The following IQUB variants were observed in gnomAD, a reference collection of about 807,000 sequenced individuals.
IQUB encodes IQ motif and ubiquitin domain containing.
Under a neutral mutation model 86.4 loss-of-function variants are expected in IQUB, and 86 were observed. The observed-to-expected ratio is 1.00, with a 90% CI of 0.84 to 1.19. IQUB has a LOEUF of 1.19. IQUB is among the 50% of genes most tolerant of loss of function. The probability of loss-of-function intolerance (pLI) is 0.00; values close to 1 mark genes in which losing one functional copy is unlikely to be tolerated. For synonymous variants in IQUB, 289 were observed against 304.5 expected, an observed-to-expected ratio of 0.95 and a Z score of 0.53; for missense variants, 946 against 916.9, an observed-to-expected ratio of 1.03 and a Z score of -0.41.
intron 6 of IQUB, among the ~76,000 whole-genome samples, chr7:123,498,435 T>C (rs1477149648): frequency 3.9e-5 from 6 of 152,144 alleles, no homozygotes; most frequent in African/African-American, 1.4e-4. Flanking sequence ...GCTATCAGTA[T>C]AAAATAATAT....
At position 123,509,943 on chromosome 7, in the gene IQUB, A is replaced by T. The variant is rs1374276177; in HGVS notation, c.490T>A (p.Leu164Ile). The change falls in exon 3 of 13, where the codon TTA becomes ATA. Residue 164 changes from leucine to isoleucine, a missense_variant. Coordinates refer to ENST00000324698, the MANE Select transcript of IQUB (RefSeq NM_178827.5). ...LKYLKDHFSHLLGIPHSVLQI... is the reference protein window; with the variant it reads ...LKYLKDHFSHILGIPHSVLQI... ...AGTACAGAATGTGGGATACCTAATA[A>T]GTGTGAAAAATGGTCCTTAAGATAT... 1 of 1,610,116 alleles carries T rather than the reference A, an allele frequency of 6.2e-7. No individual in the cohort carries two copies. Among genetic ancestry groups the T allele is most frequent in the Admixed American group, 1.7e-5 (1 of 59,576 alleles).
chr7:123,458,237 A>T (rs1793809563), intron 11 of IQUB: 1 of 152,050 alleles, frequency 6.6e-6, no homozygotes, highest in South Asian at 2.1e-4. Context: ...AACTCTTGGA[A>T]TGACTTTTTA....
rs71161484 is a variant in IQUB at position 123,493,731 on chromosome 7, A to ATGTGTGTGTG, written c.1234+2955_1234+2964dup. Reference sequence around the variant, plus strand: ...TACACCCTGAGAGAAATGTGTGTGTATGTGTGTGTGTGTGTGTGTGTGTGT... The same window carrying ATGTGTGTGTG: ...TACACCCTGAGAGAAATGTGTGTGTATGTGTGTGTGTGTGTGTGTGTGTGTGTGTGTGTGT... On this transcript the variant is annotated intron_variant, in intron 7 of 12. Transcript: ENST00000324698. Among the ~76,000 whole-genome samples, 1,030 of 112,622 alleles carry ATGTGTGTGTG rather than the reference A, an allele frequency of 9.1e-3. 7 individuals are homozygous for ATGTGTGTGTG. The highest frequency in any genetic ancestry group is 0.01 in the African/African-American group (330 of 32,866). 73.9% of individuals were successfully genotyped at this position (112,622 alleles called of 152,430 possible). A position where few individuals can be genotyped will look rare whatever the true frequency, so the allele number is the denominator to read the frequency against.
At chr7:123,469,693 G>A (rs981081895) in intron 8 of IQUB, among the ~76,000 whole-genome samples, 1 of 152,064 alleles carries the variant, frequency 6.6e-6, no homozygotes, top group Non-Finnish European at 1.5e-5. Context: ...ACCCCATGAG[G>A]ACAATTATTT....
intron 7 of IQUB, among the ~76,000 whole-genome samples, chr7:123,490,675 C>A (rs978713082): frequency 3.3e-5 from 5 of 152,058 alleles, no homozygotes; most frequent in African/African-American, 7.2e-5. Flanking sequence ...TTTAAAAGAA[C>A]TCAAATTGGC....
rs1796349694 is a variant in IQUB at position 123,510,033 on chromosome 7, T to G, written c.400A>C (p.Lys134Gln). 1 of 1,535,562 alleles carries G rather than the reference T, an allele frequency of 6.5e-7. No individual in the cohort carries two copies. The highest frequency in any genetic ancestry group is 8.9e-7 in the Non-Finnish European group (1 of 1,125,724). ...TGGCCCACTGGAATAAGTACAACTT[T>G]TACTGTAAATTAAATAGAAAAGAAA... ...ESVEDSLATV[K>Q]VVLIPVGQEI... Residue 134 changes from lysine (K) to glutamine (Q), a missense_variant and splice_region_variant, in exon 3 of 13, where the codon AAA (lysine) becomes CAA (glutamine). Transcript: ENST00000324698.
chr7:123,457,977 G>T lies in IQUB; in HGVS notation c.2008-411C>A, dbSNP rs1793792547. On this transcript the variant is annotated intron_variant, in intron 11 of 12. Transcript: ENST00000324698. ...GCCATTTTACAAATGAGGAAGCTGA[G>T]ATTTTTTTTTTTTAATATGGAACAC... The T allele has an allele frequency of 3.0e-5, 5 of 164,128 alleles. No homozygotes were observed. The South Asian group carries it at 6.4e-4, about 21-fold the overall frequency. The allele number at this position is 164,128 out of a possible 1,614,324, so 10.2% of individuals were successfully genotyped here.
chr7:123,510,639 A>C (rs1283958258), intron 2 of IQUB, among the ~76,000 whole-genome samples: 15 of 152,144 alleles, frequency 9.9e-5, no homozygotes. Flanking sequence ...AGTAGTATAG[A>C]ATAAAGACTG....
intron 1 of IQUB, among the ~76,000 whole-genome samples, chr7:123,519,873 C>A (rs915779148): frequency 1.3e-5 from 2 of 152,158 alleles, no homozygotes; most frequent in African/African-American, 4.8e-5. Flanking sequence ...AAATTGTATG[C>A]ACGTATCAAA....
chr7:123,521,632 G>A (rs1796907521), intron 1 of IQUB, among the ~76,000 whole-genome samples: 1 of 142,866 alleles, frequency 7.0e-6, no homozygotes, highest in African/African-American at 2.7e-5. Flanking sequence ...GAGTGATGGA[G>A]TGAGACCCTG....
intron 6 of IQUB, among the ~76,000 whole-genome samples, chr7:123,497,268 A>G (rs1053631534): frequency 6.6e-6 from 1 of 152,168 alleles, no homozygotes; most frequent in Admixed American, 6.6e-5. Flanking sequence ...AACAGTGATA[A>G]TAAGAGTATA....
At chr7:123,481,883 G>A (rs928452932) in intron 7 of IQUB, among the ~76,000 whole-genome samples, 2 of 152,000 alleles carry the variant, frequency 1.3e-5, no homozygotes, top group Admixed American at 1.3e-4. Flanking sequence ...AAGCGTAACA[G>A]TTATGTTTAA....
At chr7:123,481,804 T>A (rs374695081) in intron 7 of IQUB, among the ~76,000 whole-genome samples, 12 of 152,096 alleles carry the variant, frequency 7.9e-5, no homozygotes, top group Admixed American at 7.2e-4. Flanking sequence ...TAGTAACAAC[T>A]ATGAGTTTAT....
chr7:123,456,529 T>C (rs1484270921), intron 12 of IQUB: 1 of 152,088 alleles, frequency 6.6e-6, no homozygotes, highest in African/African-American at 2.4e-5. Context: ...CTTATCTTTA[T>C]ATTCATCACC....
chr7:123,528,834 C>G (rs1050347519), intron 1 of IQUB, among the ~76,000 whole-genome samples: 8 of 151,768 alleles, frequency 5.3e-5, no homozygotes, highest in African/African-American at 1.7e-4. Flanking sequence ...TTTTTTTCAC[C>G]CATCTAGAAC....
rs189051377 is a variant in IQUB at position 123,479,312 on chromosome 7, T to A, written c.1410+483A>T. 8.5e-5 allele frequency among the ~76,000 whole-genome samples: 13 copies of A among 152,260 alleles called. No individual in the cohort carries two copies. The East Asian group carries it at 2.1e-3, about 25-fold the overall frequency. On this transcript the variant is annotated intron_variant, in intron 8 of 12. Transcript: ENST00000324698. ...AATTATATGTTTTCATGGTTTTCAA[T>A]AATCATATATTCTTTAGGTCAGAAA...
chr7:123,508,109 AC>A (rs370758115), intron 3 of IQUB, among the ~76,000 whole-genome samples: 199 of 152,288 alleles, frequency 1.3e-3, no homozygotes, highest in African/African-American at 4.7e-3. Context: ...AGATTTGATG[AC>A]AGAGGAGAAG....
intron 2 of IQUB, among the ~76,000 whole-genome samples, chr7:123,510,336 C>A (rs143343885): frequency 6.6e-6 from 1 of 151,996 alleles, no homozygotes; most frequent in African/African-American, 2.4e-5. Context: ...CAGGAAATCA[C>A]GCATTTTTGC....
chr7:123,464,655 A>G (rs964890950), intron 10 of IQUB, among the ~76,000 whole-genome samples, 178 bp downstream of exon 10: 1 of 151,958 alleles, frequency 6.6e-6, no homozygotes, highest in African/African-American at 2.4e-5. Flanking sequence ...CATAAGTCAA[A>G]TGAGTAAGTT....
Sources: allele counts gnomAD v4.1 joint callset (sites outside exome capture counted in the v4.1 genomes callset), GRCh38; gene constraint gnomAD v4.1.1; transcripts MANE v1.5; gene names NCBI Gene and HGNC (gene_info 2026-07-23, HGNC 2026-07-21).